HSD17B12: variants seen among roughly 807,000 people sequenced by gnomAD.
HSD17B12 encodes hydroxysteroid 17-beta dehydrogenase 12, also known as very-long-chain 3-oxoacyl-CoA reductase.
In HSD17B12, 32 loss-of-function variants were observed where a neutral mutation model predicts 39.3. The ratio of observed to expected loss-of-function variants is 0.81; its 90% confidence interval spans 0.61 to 1.09. HSD17B12 has a LOEUF of 1.09. HSD17B12 is among the 50% of genes least tolerant of loss of function. The pLI, the probability that HSD17B12 is intolerant of heterozygous loss-of-function variation, is 0.00. For missense variants in HSD17B12, 342 were observed against 382.9 expected, an observed-to-expected ratio of 0.89 and a Z score of 0.89; for synonymous variants, 150 against 146.7, an observed-to-expected ratio of 1.02 and a Z score of -0.16.
chr11:43,609,579 A>G, the HSD17B12 span, among the ~76,000 whole-genome samples: 2 of 152,066 alleles, frequency 1.3e-5, no homozygotes, highest in African/African-American at 4.8e-5. Context: ...TATGTTGCCC[A>G]GGATGGTCTA....
the HSD17B12 span, among the ~76,000 whole-genome samples, chr11:43,667,673 C>T: frequency 2.0e-5 from 3 of 152,286 alleles, no homozygotes; most frequent in South Asian, 2.1e-4. Flanking sequence ...GTTTCATATA[C>T]ACCTTATACC....
At chr11:43,819,307 C>T (rs1219914528) in intron 6 of HSD17B12, among the ~76,000 whole-genome samples, 1 of 152,120 alleles carries the variant, frequency 6.6e-6, no homozygotes, top group Non-Finnish European at 1.5e-5. Context: ...CATGCCATCC[C>T]TTGGCTCACA....
At chr11:43,840,894 G>A (rs1026376472) in intron 9 of HSD17B12, among the ~76,000 whole-genome samples, 1 of 152,118 alleles carries the variant, frequency 6.6e-6, no homozygotes. Flanking sequence ...GTATACAGAA[G>A]TGGAATTGCT....
chr11:43,837,808 G>A (rs1951385506), intron 7 of HSD17B12: 1 of 152,508 alleles, frequency 6.6e-6, no homozygotes, highest in South Asian at 2.1e-4. Flanking sequence ...GTACCTGTTG[G>A]TTATGTGCTC....
At chr11:43,822,695 C>A (rs535279346) in intron 6 of HSD17B12, among the ~76,000 whole-genome samples, 1 of 152,076 alleles carries the variant, frequency 6.6e-6, no homozygotes, top group Non-Finnish European at 1.5e-5. Flanking sequence ...TATTCCATGG[C>A]GTATATGTGC....
chr11:43,750,016 T>A (rs1187575276), intron 1 of HSD17B12, among the ~76,000 whole-genome samples: 1 of 152,158 alleles, frequency 6.6e-6, no homozygotes, highest in African/African-American at 2.4e-5. Context: ...TTTGAGGTTG[T>A]AAGGCAAATA....
At chr11:43,719,043 A>G in intron 1 of HSD17B12, 2 of 884,796 alleles carry the variant, frequency 2.3e-6, no homozygotes, top group Non-Finnish European at 3.8e-6. Context: ...GATGTGGCCA[A>G]GGTCAACACC....
At chr11:43,593,823 A>G in the HSD17B12 span, among the ~76,000 whole-genome samples, 1 of 152,184 alleles carries the variant, frequency 6.6e-6, no homozygotes, top group Non-Finnish European at 1.5e-5. Context: ...AAATCTGACT[A>G]TGGGAAAGTA....
chr11:43,702,342 G>C (rs10838153), intron 1 of HSD17B12, among the ~76,000 whole-genome samples: 74,396 of 151,878 alleles, frequency 0.49, 18,665 homozygotes, highest in Non-Finnish European at 0.53. Flanking sequence ...TCCAACTGCT[G>C]TAGCTAGGAC....
At chr11:43,754,563 GA>G (rs1950493273) in intron 3 of HSD17B12, among the ~76,000 whole-genome samples, 2 of 152,186 alleles carry the variant, frequency 1.3e-5, no homozygotes, top group Non-Finnish European at 2.9e-5. Context: ...GTGACAGAGT[GA>G]GACTCCATCT....
At chr11:43,616,388 G>A in the HSD17B12 span, among the ~76,000 whole-genome samples, 2 of 135,826 alleles carry the variant, frequency 1.5e-5, no homozygotes, top group East Asian at 2.1e-4. Flanking sequence ...AGCCTGGGGC[G>A]ACAGAGTGAG....
the HSD17B12 span, among the ~76,000 whole-genome samples, chr11:43,566,718 C>T: frequency 9.9e-5 from 15 of 152,206 alleles, no homozygotes; most frequent in East Asian, 1.2e-3. Flanking sequence ...TTATTAGAGA[C>T]GGGGTTTCAC....
chr11:43,672,345 G>T, the HSD17B12 span, among the ~76,000 whole-genome samples: 1 of 151,172 alleles, frequency 6.6e-6, no homozygotes, highest in African/African-American at 2.4e-5. Context: ...CACCGCTCCC[G>T]GCCTAGCCCT....
intron 1 of HSD17B12, among the ~76,000 whole-genome samples, chr11:43,686,739 T>TG (rs962506299): frequency 6.6e-6 from 1 of 152,140 alleles, no homozygotes; most frequent in African/African-American, 2.4e-5. Context: ...GAAGGGTAAA[T>TG]GAGAATACTT....
chr11:43,792,867 A>C (rs776497430), intron 3 of HSD17B12, among the ~76,000 whole-genome samples: 5 of 151,888 alleles, frequency 3.3e-5, no homozygotes, highest in Non-Finnish European at 7.4e-5. Context: ...TTATACATAC[A>C]TTTCTTACCA....
At chr11:43,624,011 G>A in the HSD17B12 span, among the ~76,000 whole-genome samples, 1 of 151,902 alleles carries the variant, frequency 6.6e-6, no homozygotes, top group African/African-American at 2.4e-5. Flanking sequence ...GTCTAGACAT[G>A]CAAATTGAAC....
At position 43,742,762 on chromosome 11, in the gene HSD17B12, T is replaced by G. The variant is rs370810625; in HGVS notation, c.161-8149T>G. Among the ~76,000 whole-genome samples the G allele has an allele frequency of 1.4e-3, 212 of 148,890 alleles. 1 individual carries two copies. The highest frequency in any genetic ancestry group is 7.4e-3 in the East Asian group (38 of 5,150). ...ATTTCCAGTTTTTTTGTGTGTGTGT[T>G]TTTTTTTTGTGCCCATAAATAATTT... is the stretch of plus-strand genomic sequence containing the variant. On this transcript the variant is annotated intron_variant, in intron 1 of 10. Transcript: ENST00000278353.
chr11:43,845,903 A>T (rs1326235902), intron 9 of HSD17B12, among the ~76,000 whole-genome samples: 11 of 152,244 alleles, frequency 7.2e-5, no homozygotes, highest in Admixed American at 5.9e-4. Context: ...AACCTGCCTC[A>T]TAAAGAGATT....
upstream of HSD17B12, among the ~76,000 whole-genome samples, chr11:43,677,571 C>G (rs2134726711): frequency 6.6e-6 from 1 of 152,294 alleles, no homozygotes. Flanking sequence ...AGGTTTATCT[C>G]CTAATGCTAT....
Sources: gnomAD v4.1 joint callset for allele counts (sites outside exome capture counted in the v4.1 genomes callset) on GRCh38, gnomAD v4.1.1 for gene constraint, MANE v1.5 for transcripts, NCBI Gene and HGNC (gene_info 2026-07-23, HGNC 2026-07-21) for gene names.